The following GPM6A variants were observed in gnomAD, a reference collection of about 807,000 sequenced individuals.
GPM6A encodes glycoprotein M6A, also known as neuronal membrane glycoprotein M6-a.
In GPM6A, 7 loss-of-function variants were observed where a neutral mutation model predicts 32.1. The ratio of observed to expected loss-of-function variants is 0.22; its 90% CI spans 0.12 to 0.41. GPM6A has a LOEUF of 0.41. GPM6A is among the 10% of genes least tolerant of loss of function. The probability of loss-of-function intolerance (pLI) is 1.00; values close to 1 mark genes in which losing one functional copy is unlikely to be tolerated. For missense variants in GPM6A, 235 were observed against 347.2 expected (o/e 0.68, Z 2.57); for synonymous variants, 130 against 123.4 (o/e 1.05, Z -0.35).
upstream of GPM6A, among the ~76,000 whole-genome samples, chr4:175,813,314 C>G (rs578208867): frequency 3.9e-5 from 6 of 152,182 alleles, no homozygotes; most frequent in Non-Finnish European, 7.3e-5. Flanking sequence ...GAATGCAAAT[C>G]ACAATGCTGC....
rs187682672 is a variant in GPM6A, at chr4:175,699,730, G to T, written c.230+1845C>A. Among the ~76,000 whole-genome samples the T allele has an allele frequency of 4.5e-3, 682 of 151,880 alleles. 4 individuals are homozygous for T. Among genetic ancestry groups the T allele is most frequent in the Middle Eastern group, 0.01 (3 of 294 alleles). On this transcript the variant is annotated intron_variant, in intron 2 of 6. Transcript: ENST00000393658. ...TATTTTCTTATCAGTCTTTCTCTAG[G>T]TTTTAAGTATCAACAGGTTTTAAAT...
chr4:175,887,223 A>G (rs1406385363), intron 1 of GPM6A, among the ~76,000 whole-genome samples: 1 of 152,050 alleles, frequency 6.6e-6, no homozygotes, highest in East Asian at 1.9e-4. Context: ...AAAAATTTAT[A>G]TAATGTTCAT....
At chr4:175,867,715 G>C (rs915663999) in intron 1 of GPM6A, among the ~76,000 whole-genome samples, 93 of 152,044 alleles carry the variant, frequency 6.1e-4, no homozygotes, top group African/African-American at 2.0e-3. Flanking sequence ...TTGAAGTCAG[G>C]GGTCAGTCCT....
At chr4:175,660,191 AG>A (rs1272427422) in intron 3 of GPM6A, among the ~76,000 whole-genome samples, 2 of 152,108 alleles carry the variant, frequency 1.3e-5, no homozygotes, top group East Asian at 3.9e-4. Flanking sequence ...CGAGGTCAGG[AG>A]TTCAAGACCA....
At chr4:175,749,647 A>G (rs1192621493) in intron 1 of GPM6A, among the ~76,000 whole-genome samples, 2 of 152,182 alleles carry the variant, frequency 1.3e-5, no homozygotes, top group Non-Finnish European at 2.9e-5. Context: ...GTATAACTTT[A>G]TATCTTGACC....
intron 1 of GPM6A, among the ~76,000 whole-genome samples, chr4:175,825,992 C>A (rs1735423319): frequency 6.6e-6 from 1 of 151,984 alleles, no homozygotes; most frequent in Non-Finnish European, 1.5e-5. Context: ...CCAGCCTGGA[C>A]AACATAGCAA....
At chr4:175,899,789 A>T (rs1737897861) in intron 1 of GPM6A, among the ~76,000 whole-genome samples, 1 of 152,196 alleles carries the variant, frequency 6.6e-6, no homozygotes, top group African/African-American at 2.4e-5. Context: ...AATGGGGAAA[A>T]TCTACAGGAC....
At chr4:175,882,359 G>C (rs989140050) in intron 1 of GPM6A, among the ~76,000 whole-genome samples, 1 of 151,624 alleles carries the variant, frequency 6.6e-6, no homozygotes, top group African/African-American at 2.4e-5. Flanking sequence ...TTATGCTGTT[G>C]GATGATTAAG....
chr4:175,668,046 T>C (rs1397452821), intron 3 of GPM6A, among the ~76,000 whole-genome samples: 3 of 152,200 alleles, frequency 2.0e-5, no homozygotes, highest in African/African-American at 7.2e-5. Flanking sequence ...CTAAACTAGA[T>C]GCTTTACACA....
chr4:175,764,649 A>G (rs551148503), intron 1 of GPM6A, among the ~76,000 whole-genome samples: 91 of 152,242 alleles, frequency 6.0e-4, no homozygotes, highest in African/African-American at 2.1e-3. Flanking sequence ...TCAATGAACT[A>G]TGAAACTCAC....
chr4:175,867,785 A>G (rs1243210958), intron 1 of GPM6A, among the ~76,000 whole-genome samples: 2 of 152,090 alleles, frequency 1.3e-5, no homozygotes, highest in Admixed American at 1.3e-4. Flanking sequence ...TATTTTCCTT[A>G]TCCCACATGA....
chr4:175,836,479 T>C (rs781780850), intron 1 of GPM6A, among the ~76,000 whole-genome samples: 1 of 152,244 alleles, frequency 6.6e-6, no homozygotes, highest in Non-Finnish European at 1.5e-5. Context: ...GTATGATACA[T>C]AGTGGTATGT....
At chr4:175,959,997 C>A (rs1382672945) in intron 1 of GPM6A, among the ~76,000 whole-genome samples, 1 of 152,172 alleles carries the variant, frequency 6.6e-6, no homozygotes. Context: ...CCACATCCCA[C>A]TTTACAAGCA....
intron 1 of GPM6A, among the ~76,000 whole-genome samples, chr4:175,702,466 G>C (rs897448140): frequency 6.6e-6 from 1 of 152,086 alleles, no homozygotes; most frequent in Non-Finnish European, 1.5e-5. Flanking sequence ...CAATTTTTCA[G>C]ACAGTAAGTT....
intron 1 of GPM6A, among the ~76,000 whole-genome samples, chr4:175,732,253 T>C (rs1256971034): frequency 6.6e-6 from 1 of 151,804 alleles, no homozygotes; most frequent in Non-Finnish European, 1.5e-5. Flanking sequence ...GTGTGAGCCA[T>C]TGCACCCAGC....
chr4:175,665,104 A>G (rs1046766771), intron 3 of GPM6A, among the ~76,000 whole-genome samples: 2 of 152,224 alleles, frequency 1.3e-5, no homozygotes, highest in Non-Finnish European at 2.9e-5. Flanking sequence ...AGCACTGATG[A>G]ACACATTAGG....
rs193119377 is a variant in GPM6A, at chr4:175,933,873, A to G, written c.-23+68436T>C. On this transcript the variant is annotated intron_variant, in intron 1 of 7. Coordinates refer to the GPM6A transcript ENST00000280187. ...GTTTTATTCATAGAAGTCACAGAAT[A>G]GAAACAACTCAAATGTCCATTAACA... Among the ~76,000 whole-genome samples the G allele has an allele frequency of 3.3e-5, 5 of 152,336 alleles. No homozygotes were observed. The East Asian group carries it at 9.7e-4, about 29-fold the overall frequency.
intron 1 of GPM6A, among the ~76,000 whole-genome samples, chr4:175,711,457 T>TACACAC (rs763949633): frequency 6.1e-4 from 17 of 28,014 alleles, no homozygotes; most frequent in Admixed American, 1.2e-3. Context: ...TATATATATA[T>TACACAC]ACACACACAT....
At chr4:175,647,557 T>A (rs545095287) in intron 4 of GPM6A, among the ~76,000 whole-genome samples, 1 of 152,168 alleles carries the variant, frequency 6.6e-6, no homozygotes. Flanking sequence ...TGCATGGGAA[T>A]GAACAGTAAG....
Sources: gnomAD v4.1 joint callset for allele counts (sites outside exome capture counted in the v4.1 genomes callset) on GRCh38, gnomAD v4.1.1 for gene constraint, MANE v1.5 for transcripts, NCBI Gene and HGNC (gene_info 2026-07-23, HGNC 2026-07-21) for gene names.